TMPO: variants seen among roughly 807,000 people sequenced by gnomAD.
TMPO encodes the protein LEM domain containing 4.
Under a neutral mutation model 45.4 loss-of-function variants are expected in TMPO, and 22 were observed. That is an observed-to-expected ratio of 0.48 (90% CI 0.35 to 0.69). TMPO has a LOEUF of 0.69. Ranked by LOEUF, TMPO falls within the 30% of genes least tolerant of loss-of-function variation. The pLI, the probability that TMPO is intolerant of heterozygous loss-of-function variation, is 0.01. For synonymous variants in TMPO, 241 were observed against 204.1 expected (o/e 1.18, Z -1.54); for missense variants, 512 against 548.8 (o/e 0.93, Z 0.67).
At chr12:98,541,336 A>C (rs985687328) in intron 4 of TMPO, among the ~76,000 whole-genome samples, 3 of 152,214 alleles carry the variant, frequency 2.0e-5, no homozygotes, top group Non-Finnish European at 2.9e-5. Context: ...AGTGCTAGGT[A>C]AATCATGAAT....
intron 1 of TMPO, among the ~76,000 whole-genome samples, chr12:98,520,817 C>G (rs973070269): frequency 6.6e-6 from 1 of 152,030 alleles, no homozygotes; most frequent in Non-Finnish European, 1.5e-5. Flanking sequence ...GGTGATCTGC[C>G]CGCCTCGGCC....
At chr12:98,538,847 C>T (rs149318643) in intron 4 of TMPO, among the ~76,000 whole-genome samples, 96 of 152,224 alleles carry the variant, frequency 6.3e-4, no homozygotes, top group African/African-American at 2.1e-3. Context: ...TACTGGAATA[C>T]ATGTTTTATT....
In TMPO at chr12:98,548,747, A is replaced by G. The variant is rs941298994; in HGVS notation, c.*889A>G. ...CTGGTCTTATGTTTCATTTGGATTCATTATTGCATTGTCTTGTTACCAGAA... is the reference window on the plus strand; with the variant it reads ...CTGGTCTTATGTTTCATTTGGATTCGTTATTGCATTGTCTTGTTACCAGAA... On this transcript the variant is annotated 3_prime_UTR_variant, in exon 9 of 9. Coordinates refer to ENST00000556029, the MANE Select transcript of TMPO (RefSeq NM_001032283.3). 2.0e-5 allele frequency: 3 copies of G among 152,224 alleles called. No individual in the cohort carries two copies. The highest frequency in any genetic ancestry group is 3.8e-4 in the East Asian group (2 of 5,196). 9.4% of individuals were successfully genotyped at this position (152,224 alleles called of 1,614,324 possible). A position where few individuals can be genotyped will look rare whatever the true frequency, so the allele number is the denominator to read the frequency against.
intron 1 of TMPO, among the ~76,000 whole-genome samples, chr12:98,525,228 G>A (rs769391975): frequency 1.3e-5 from 2 of 152,100 alleles, no homozygotes; most frequent in Non-Finnish European, 2.9e-5. Flanking sequence ...CCAGATATGA[G>A]CCTGACAGTT....
At chr12:98,534,287 C>A (rs1565812357) in intron 3 of TMPO, 1 of 1,613,362 alleles carries the variant, frequency 6.2e-7, no homozygotes. Flanking sequence ...AAAGGTGGAA[C>A]ATTATTTGGA....
At position 98,533,306 on chromosome 12, in the gene TMPO, A is replaced by G. The variant is rs202106275; in HGVS notation, c.565+1468A>G. The G allele has an allele frequency of 4.5e-5, 72 of 1,614,130 alleles. No homozygotes were observed. In the East Asian group the frequency reaches 1.6e-3, roughly 35 times the overall value. ...CCTGAGAGGTCCCATATTTCAGATC[A>G]ATCGCCTCTCTCCAGTAAAAGGAAA... On this transcript the variant is annotated intron_variant, in intron 3 of 8. Transcript: ENST00000556029.
At chr12:98,519,346 A>G (rs994761434) in intron 1 of TMPO, among the ~76,000 whole-genome samples, 4 of 151,936 alleles carry the variant, frequency 2.6e-5, no homozygotes, top group African/African-American at 9.7e-5. Context: ...TTACAGGCGT[A>G]TACTACTATA....
At chr12:98,521,077 A>G (rs1450272019) in intron 1 of TMPO, among the ~76,000 whole-genome samples, 1 of 119,226 alleles carries the variant, frequency 8.4e-6, no homozygotes, top group Admixed American at 8.4e-5. Context: ...TATACCTTCT[A>G]TTTAATCATG....
At chr12:98,545,849 C>T (rs961465240) in intron 7 of TMPO, among the ~76,000 whole-genome samples, 4 of 152,102 alleles carry the variant, frequency 2.6e-5, no homozygotes, top group African/African-American at 9.7e-5. Flanking sequence ...TCTCCTGCCT[C>T]AGCCTCCTGA....
chr12:98,522,953 T>TAG (rs1876480432), intron 1 of TMPO, among the ~76,000 whole-genome samples: 1 of 152,218 alleles, frequency 6.6e-6, no homozygotes, highest in South Asian at 2.1e-4. Context: ...ATACTAGAGG[T>TAG]AGAGATTAAA....
Position 98,515,726 on chromosome 12 carries a change from T to C in TMPO, c.-142T>C. The C allele has an allele frequency of 6.6e-7, 1 of 1,515,804 alleles. No homozygotes were observed. The highest frequency in any genetic ancestry group is 8.8e-7 in the Non-Finnish European group (1 of 1,130,366). The allele number at this position is 1,515,804 out of a possible 1,614,324, so 93.9% of individuals were successfully genotyped here. A position where few individuals can be genotyped will look rare whatever the true frequency, so the allele number is the denominator to read the frequency against. ...CTGGCTTGGCTTTGTGTCCGCGAGT[T>C]TTTGTTCCGCTCCGCAGCGCTCTTC... On this transcript the variant is annotated 5_prime_UTR_variant, in exon 1 of 9. Transcript: ENST00000556029.
chr12:98,533,307 A>T (rs147812883), intron 3 of TMPO: 1 of 1,614,118 alleles, frequency 6.2e-7, no homozygotes, highest in South Asian at 1.1e-5. Flanking sequence ...TTTCAGATCA[A>T]TCGCCTCTCT....
intron 3 of TMPO, chr12:98,533,213 C>A: frequency 6.2e-7 from 1 of 1,614,054 alleles, no homozygotes; most frequent in Non-Finnish European, 8.5e-7. Context: ...GAAACCACCA[C>A]TGGTTACTAT....
At chr12:98,545,701 T>G (rs561077846) in intron 7 of TMPO, among the ~76,000 whole-genome samples, 45 of 152,312 alleles carry the variant, frequency 3.0e-4, no homozygotes, top group Non-Finnish European at 4.9e-4. Context: ...ATTTTATCTT[T>G]TACTACAGAA....
chr12:98,539,788 AT>A (rs1165362925), intron 4 of TMPO, among the ~76,000 whole-genome samples: 3 of 151,888 alleles, frequency 2.0e-5, no homozygotes, highest in African/African-American at 7.3e-5. Flanking sequence ...ATTGCTTTTG[AT>A]TTTTTTTATT....
chr12:98,533,492 T>C lies in TMPO; in HGVS notation c.565+1654T>C, dbSNP rs753527126. 1.1e-5 allele frequency: 17 copies of C among 1,614,132 alleles called. No individual in the cohort carries two copies. In the East Asian group the frequency reaches 1.1e-4, roughly 11 times the overall value. ...GATGTAGAAAACATACAGAAGAGAATTGATCAGTCTAAGTTTCAAGAAACT... is the reference window on the plus strand; with the variant it reads ...GATGTAGAAAACATACAGAAGAGAACTGATCAGTCTAAGTTTCAAGAAACT... On this transcript the variant is annotated intron_variant, in intron 3 of 8. Transcript: ENST00000556029.
chr12:98,534,017 C>T lies in TMPO; in HGVS notation c.565+2179C>T. On this transcript the variant is annotated intron_variant, in intron 3 of 8. Transcript: ENST00000556029. ...GCATTGCAGATTGCAACTCACACTG[C>T]CTTTGTAGCTAAGGCTATGCAGGCA... 1 of 1,607,840 alleles carries T rather than the reference C, an allele frequency of 6.2e-7. No individual in the cohort carries two copies. Among genetic ancestry groups the T allele is most frequent in the African/African-American group, 1.3e-5 (1 of 74,870 alleles).
intron 1 of TMPO, among the ~76,000 whole-genome samples, chr12:98,518,920 C>T (rs1266193542): frequency 2.0e-5 from 3 of 151,194 alleles, no homozygotes; most frequent in Admixed American, 6.6e-5. Context: ...CTTGCTCTGT[C>T]GCCCAGTCTG....
At chr12:98,533,861 A>G in intron 3 of TMPO, 1 of 1,614,206 alleles carries the variant, frequency 6.2e-7, no homozygotes, top group Admixed American at 1.7e-5. Context: ...TCAGTTCCAA[A>G]AGTAGATGAT....
Sources: allele counts gnomAD v4.1 joint callset (sites outside exome capture counted in the v4.1 genomes callset), GRCh38; gene constraint gnomAD v4.1.1; transcripts MANE v1.5; gene names NCBI Gene and HGNC (gene_info 2026-07-23, HGNC 2026-07-21).